Variants in EML4 observed in about 807,000 individuals in gnomAD.
EML4 encodes the protein EMAP like 4, also known as echinoderm microtubule-associated protein-like 4.
EML4 carries 72 observed loss-of-function variants against 129.0 expected under a neutral mutation model. The observed-to-expected ratio is 0.56, with a 90% CI of 0.46 to 0.68. The LOEUF (loss-of-function observed/expected upper bound fraction) is 0.68. Ranked by LOEUF, EML4 falls within the 30% of genes least tolerant of loss-of-function variation. EML4 has a pLI of 0.00. For synonymous variants in EML4, 532 were observed against 405.0 expected (o/e 1.31, Z -3.77); for missense variants, 1,363 against 1,190.6 (o/e 1.14, Z -2.13).
intron 1 of EML4, among the ~76,000 whole-genome samples, chr2:42,177,032 A>T (rs955886506): frequency 1.1e-4 from 16 of 152,168 alleles, no homozygotes; most frequent in African/African-American, 3.4e-4. Flanking sequence ...ACCTCAAGTG[A>T]TCTGCCCGCT....
intron 6 of EML4, among the ~76,000 whole-genome samples, chr2:42,278,810 C>G (rs530730738): frequency 2.6e-5 from 4 of 151,882 alleles, no homozygotes; most frequent in Non-Finnish European, 5.9e-5. Context: ...GTGGCACATG[C>G]CTATAATCCC....
intron 6 of EML4, among the ~76,000 whole-genome samples, chr2:42,265,861 AAG>A (rs1666033283): frequency 6.6e-6 from 1 of 152,208 alleles, no homozygotes; most frequent in Non-Finnish European, 1.5e-5. Context: ...AGACCAAAAA[AAG>A]AGAGCAGACT....
chr2:42,299,388 CACATACCATGAA>C (rs1668148310), intron 13 of EML4, among the ~76,000 whole-genome samples: 1 of 152,280 alleles, frequency 6.6e-6, no homozygotes, highest in East Asian at 1.9e-4. Context: ...ATATATAATT[CACATACCATGAA>C]ATCTACCCTG....
At chr2:42,294,279 C>G (rs573817575) in intron 11 of EML4, among the ~76,000 whole-genome samples, 1 of 152,294 alleles carries the variant, frequency 6.6e-6, no homozygotes, top group African/African-American at 2.4e-5. Context: ...GGGAAAAGAG[C>G]ATAAAAGCCC....
Position 42,331,935 on chromosome 2 carries a change from TA to T in EML4, c.*1734del. 1 of 213,148 alleles carries T rather than the reference TA, an allele frequency of 4.7e-6. No homozygotes were observed. Among genetic ancestry groups the T allele is most frequent in the Non-Finnish European group, 9.5e-6 (1 of 105,114 alleles). The allele number at this position is 213,148 out of a possible 1,614,324, so 13.2% of individuals were successfully genotyped here. On this transcript the variant is annotated 3_prime_UTR_variant, in exon 23 of 23. Coordinates refer to ENST00000318522, the MANE Select transcript of EML4 (RefSeq NM_019063.5). The stretch of plus-strand genomic sequence containing the variant: ...TATCTTTCCTTTTGTTTACAACTGT[TA>T]AAAAACCTCAAAATAGTTCTCTTCA...
At chr2:42,272,007 G>A (rs1666398969) in intron 6 of EML4, among the ~76,000 whole-genome samples, 1 of 151,364 alleles carries the variant, frequency 6.6e-6, no homozygotes, top group South Asian at 2.1e-4. Context: ...GGAAGCTGAG[G>A]CAGGAGAATC....
chr2:42,309,023 A>G (rs1025707634), intron 17 of EML4, among the ~76,000 whole-genome samples: 2 of 152,194 alleles, frequency 1.3e-5, no homozygotes, highest in Non-Finnish European at 2.9e-5. Context: ...ATGCTGCTAC[A>G]TACATTCATA....
At chr2:42,320,658 A>C (rs1315818659) in intron 19 of EML4, among the ~76,000 whole-genome samples, 2 of 152,206 alleles carry the variant, frequency 1.3e-5, no homozygotes, top group African/African-American at 4.8e-5. Flanking sequence ...AATGATGAGC[A>C]TTGTGTATTT....
chr2:42,281,252 G>C (rs533463526), intron 7 of EML4, among the ~76,000 whole-genome samples: 1 of 152,168 alleles, frequency 6.6e-6, no homozygotes, highest in South Asian at 2.1e-4. Context: ...AATTAGCCAG[G>C]TGTGGTGGTG....
chr2:42,286,055 A>G (rs1667291080), intron 9 of EML4: 2 of 611,402 alleles, frequency 3.3e-6, no homozygotes, highest in African/African-American at 1.9e-5. Context: ...TATGTGTAAC[A>G]TAGTAAATAC....
In EML4 at chr2:42,324,425, C is replaced by T. The variant is rs779426716; in HGVS notation, c.2155-1042C>T. Among the ~76,000 whole-genome samples, 8 of 152,294 alleles carry T rather than the reference C, an allele frequency of 5.3e-5. No individual in the cohort carries two copies. The East Asian group carries it at 7.7e-4, about 15-fold the overall frequency. On this transcript the variant is annotated intron_variant, in intron 19 of 22. Coordinates refer to ENST00000318522, the MANE Select transcript of EML4 (RefSeq NM_019063.5). Reference sequence around the variant, plus strand: ...GAGCCTGGGAGTTCAAGACCAGCCTCGGCGATGTGGTGAAACCTTGTCTCT... The same window carrying T: ...GAGCCTGGGAGTTCAAGACCAGCCTTGGCGATGTGGTGAAACCTTGTCTCT...
intron 6 of EML4, among the ~76,000 whole-genome samples, chr2:42,268,182 A>G (rs907846506): frequency 3.9e-5 from 6 of 152,208 alleles, no homozygotes; most frequent in Admixed American, 3.9e-4. Context: ...CGAAATATTA[A>G]AGGAAAACAA....
At chr2:42,212,385 A>G (rs1251687777) in intron 1 of EML4, among the ~76,000 whole-genome samples, 2 of 152,154 alleles carry the variant, frequency 1.3e-5, no homozygotes, top group Non-Finnish European at 2.9e-5. Flanking sequence ...ATACTTCCAT[A>G]TTTTAATAGC....
chr2:42,272,092 A>G (rs1199005964), intron 6 of EML4, among the ~76,000 whole-genome samples: 7 of 152,038 alleles, frequency 4.6e-5, no homozygotes, highest in South Asian at 2.1e-4. Context: ...AAAAAAAAAA[A>G]AAAACCCTGT....
intron 1 of EML4, among the ~76,000 whole-genome samples, chr2:42,218,794 G>A (rs1009001443): frequency 2.0e-5 from 3 of 152,166 alleles, no homozygotes; most frequent in African/African-American, 7.2e-5. Context: ...TTAACCAGTA[G>A]TATGGTAGTG....
rs911878390 is a variant in EML4 at position 42,319,237 on chromosome 2, T to C, written c.2154+1713T>C. ...GTAGAGCCGACTTTCCAATGTACAGTAATGCCTCAGGTTTTTCATTTCGTG... is the reference window on the plus strand; with the variant it reads ...GTAGAGCCGACTTTCCAATGTACAGCAATGCCTCAGGTTTTTCATTTCGTG... On this transcript the variant is annotated intron_variant, in intron 19 of 22. Transcript: ENST00000318522. Among the ~76,000 whole-genome samples the C allele has an allele frequency of 3.9e-5, 6 of 152,300 alleles. No individual in the cohort carries two copies. In the South Asian group the frequency reaches 1.2e-3, roughly 32 times the overall value.
At chr2:42,198,410 A>G (rs1462588980) in intron 1 of EML4, among the ~76,000 whole-genome samples, 2 of 152,076 alleles carry the variant, frequency 1.3e-5, no homozygotes, top group Non-Finnish European at 2.9e-5. Flanking sequence ...ACCTGTTTTA[A>G]TGAGTTGGGA....
chr2:42,293,325 C>G (rs537727610), intron 11 of EML4, among the ~76,000 whole-genome samples: 1 of 152,210 alleles, frequency 6.6e-6, no homozygotes, highest in South Asian at 2.1e-4. Context: ...TGATCTCTAA[C>G]TCCTGGCCTC....
At chr2:42,263,977 C>T (rs952228067) in intron 5 of EML4, among the ~76,000 whole-genome samples, 1 of 152,150 alleles carries the variant, frequency 6.6e-6, no homozygotes, top group Non-Finnish European at 1.5e-5. Flanking sequence ...GATCCACCTG[C>T]CTTGGCCTGC....
Sources: gnomAD v4.1 joint callset for allele counts (sites outside exome capture counted in the v4.1 genomes callset) on GRCh38, gnomAD v4.1.1 for gene constraint, MANE v1.5 for transcripts, NCBI Gene and HGNC (gene_info 2026-07-23, HGNC 2026-07-21) for gene names.